The following WDR4 variants were observed in gnomAD, a reference collection of about 807,000 sequenced individuals.
WDR4 encodes WDR4 tRNA N7-guanosine methyltransferase non-catalytic subunit, also known as tRNA (guanine-N(7)-)-methyltransferase non-catalytic subunit WDR4.
WDR4 carries 47 observed loss-of-function variants against 48.6 expected under a neutral mutation model. That is an observed-to-expected ratio of 0.97 (90% CI 0.77 to 1.23). WDR4 has a LOEUF of 1.23. WDR4 is among the 50% of genes most tolerant of loss of function. WDR4 has a pLI of 0.00. For missense variants in WDR4, 606 were observed against 551.6 expected (o/e 1.10, Z -0.99); for synonymous variants, 268 against 230.0 (o/e 1.17, Z -1.49).
intron 3 of WDR4, 107 bp from the exon 4 acceptor site, chr21:42,863,703 G>T: frequency 7.7e-7 from 1 of 1,297,174 alleles, no homozygotes; most frequent in Non-Finnish European, 1.1e-6. Flanking sequence ...CTGGCCATAT[G>T]CTCTGTTTTC....
At chr21:42,871,620 CATTT>C (rs1402290058) in intron 3 of WDR4, among the ~76,000 whole-genome samples, 7 of 152,202 alleles carry the variant, frequency 4.6e-5, no homozygotes, top group Admixed American at 2.6e-4. Context: ...TGGAAGCAGC[CATTT>C]ATTATCAGTT....
the WDR4 span, among the ~76,000 whole-genome samples, chr21:42,888,348 C>G: frequency 3.9e-5 from 6 of 152,090 alleles, no homozygotes; most frequent in Admixed American, 2.0e-4. Flanking sequence ...TACTTGAGCT[C>G]AACAGTTCCA....
At chr21:42,880,854 C>T (rs1173146867), upstream of WDR4, among the ~76,000 whole-genome samples, 1 of 152,058 alleles carries the variant, frequency 6.6e-6, no homozygotes, top group Non-Finnish European at 1.5e-5. Flanking sequence ...TTGTTCACTA[C>T]AAGTCCCTTA....
chr21:42,872,499 T>C (rs2085242538), intron 3 of WDR4, among the ~76,000 whole-genome samples: 1 of 150,628 alleles, frequency 6.6e-6, no homozygotes, highest in Non-Finnish European at 1.5e-5. Flanking sequence ...TAGTCCCAGC[T>C]ACTCGAGAGG....
At chr21:42,879,013 TCTTCC>T (rs2058566485) in intron 1 of WDR4, 2 of 1,024,028 alleles carry the variant, frequency 2.0e-6, no homozygotes. Flanking sequence ...GAGACCCGCT[TCTTCC>T]CAGTTCTGCA....
chr21:42,884,142 A>G (rs1279691344), upstream of WDR4, among the ~76,000 whole-genome samples: 1 of 152,232 alleles, frequency 6.6e-6, no homozygotes, highest in Non-Finnish European at 1.5e-5. Context: ...CACTGAATGC[A>G]TATATCACAT....
chr21:42,877,957 A>C (rs1367708597), intron 1 of WDR4, among the ~76,000 whole-genome samples: 1 of 150,394 alleles, frequency 6.6e-6, no homozygotes, highest in African/African-American at 2.5e-5. Context: ...AGGCAGGAGA[A>C]TGGCGTGAAC....
Position 42,849,951 on chromosome 21 carries a change from G to A in WDR4, c.*98C>T. ...ATCCTCTGAGCTGGTCACAACTGAT[G>A]TCACCTTTTCCTTCTTGAAGGGACA... On this transcript the variant is annotated 3_prime_UTR_variant, in exon 11 of 11. Transcript: ENST00000398208. The A allele has an allele frequency of 1.3e-6, 2 of 1,482,842 alleles. No individual in the cohort carries two copies. Among genetic ancestry groups the A allele is most frequent in the African/African-American group, 1.4e-5 (1 of 71,100 alleles). The allele number at this position is 1,482,842 out of a possible 1,614,324, so 91.9% of individuals were successfully genotyped here. A position where few individuals can be genotyped will look rare whatever the true frequency, so the allele number is the denominator to read the frequency against.
intron 6 of WDR4, among the ~76,000 whole-genome samples, chr21:42,857,588 C>T (rs2058024776): frequency 6.6e-6 from 1 of 152,152 alleles, no homozygotes. Context: ...AAAGTCCACG[C>T]TCATCTCAGT....
At chr21:42,847,727 T>A (rs1200211233), downstream of WDR4, among the ~76,000 whole-genome samples, 1 of 152,242 alleles carries the variant, frequency 6.6e-6, no homozygotes, top group Admixed American at 6.5e-5. Context: ...TGTCATGAAA[T>A]ATATTTTTAA....
chr21:42,875,077 CG>C (rs1219723426), intron 2 of WDR4, among the ~76,000 whole-genome samples: 1 of 152,096 alleles, frequency 6.6e-6, no homozygotes, highest in Non-Finnish European at 1.5e-5. Context: ...TTTCTCAAAC[CG>C]GCCGACGCTT....
At chr21:42,880,633 C>T (rs1357089657), upstream of WDR4, among the ~76,000 whole-genome samples, 2 of 152,168 alleles carry the variant, frequency 1.3e-5, no homozygotes, top group African/African-American at 4.8e-5. Context: ...GTTCTGCTTC[C>T]TGGGAGTATC....
chr21:42,845,403 G>A (rs142828001), downstream of WDR4, among the ~76,000 whole-genome samples: 48 of 152,346 alleles, frequency 3.2e-4, no homozygotes, highest in African/African-American at 1.1e-3. Flanking sequence ...TCCCGGAGGG[G>A]CCCTCGCGGC....
chr21:42,869,393 A>T (rs1256377780), intron 3 of WDR4, among the ~76,000 whole-genome samples: 1 of 152,214 alleles, frequency 6.6e-6, no homozygotes, highest in Non-Finnish European at 1.5e-5. Flanking sequence ...ATCCGTGTAC[A>T]CATCGGCACG....
At chr21:42,859,860 T>C in intron 5 of WDR4, 138 bp from the exon 6 acceptor site, 13 of 877,252 alleles carry the variant, frequency 1.5e-5, no homozygotes, top group Non-Finnish European at 2.4e-5. Context: ...ACAGCCAACA[T>C]GGGAAGTAGC....
At chr21:42,873,421 G>A in intron 3 of WDR4, 130 bp downstream of exon 3, 2 of 1,314,902 alleles carry the variant, frequency 1.5e-6, no homozygotes, top group South Asian at 1.4e-5. Flanking sequence ...AGTGGTGTCT[G>A]GCACTGAACT....
chr21:42,867,153 A>G (rs1445644930), intron 3 of WDR4, among the ~76,000 whole-genome samples: 1 of 152,190 alleles, frequency 6.6e-6, no homozygotes, highest in Non-Finnish European at 1.5e-5. Flanking sequence ...AGCTTTGGGA[A>G]GCCAAGGTGG....
In WDR4 at chr21:42,865,819, C is replaced by A. The variant is rs979334427; in HGVS notation, c.297-2223G>T. 2.0e-5 allele frequency among the ~76,000 whole-genome samples: 3 copies of A among 151,994 alleles called. No individual in the cohort carries two copies. In the East Asian group the frequency reaches 5.8e-4, roughly 29 times the overall value. On this transcript the variant is annotated intron_variant, in intron 3 of 10. Coordinates refer to ENST00000398208, the MANE Select transcript of WDR4 (RefSeq NM_018669.6). Reference sequence around the variant, plus strand: ...GGGCCCAGAGACCAGCAGAACCTAGCAAGTAACCACCCATCTCCACACCCT... The same window carrying A: ...GGGCCCAGAGACCAGCAGAACCTAGAAAGTAACCACCCATCTCCACACCCT...
intron 6 of WDR4, among the ~76,000 whole-genome samples, chr21:42,856,598 G>T: frequency 6.6e-6 from 1 of 152,112 alleles, no homozygotes; most frequent in East Asian, 1.9e-4. Flanking sequence ...CACTAATTCA[G>T]TGGAGAGAAA....
Sources: allele counts gnomAD v4.1 joint callset (sites outside exome capture counted in the v4.1 genomes callset), GRCh38; gene constraint gnomAD v4.1.1; transcripts MANE v1.5; gene names NCBI Gene and HGNC (gene_info 2026-07-23, HGNC 2026-07-21).